The following ITGB6 variants were observed in gnomAD, a reference collection of about 807,000 sequenced individuals.
ITGB6 encodes integrin beta-6.
Under a neutral mutation model 84.5 loss-of-function variants are expected in ITGB6, and 80 were observed. That is an observed-to-expected ratio of 0.95 (90% confidence interval 0.79 to 1.14). The LOEUF (loss-of-function observed/expected upper bound fraction) is 1.14, where lower values mean the gene tolerates loss of function less well. ITGB6 is among the 50% of genes most tolerant of loss of function. ITGB6 has a pLI of 0.00. For missense variants in ITGB6, 1,006 were observed against 968.0 expected, an observed-to-expected ratio of 1.04 and a Z score of -0.52; for synonymous variants, 383 against 354.9, an observed-to-expected ratio of 1.08 and a Z score of -0.89.
At chr2:160,151,558 A>G (rs961666569) in intron 7 of ITGB6, among the ~76,000 whole-genome samples, 1 of 152,202 alleles carries the variant, frequency 6.6e-6, no homozygotes, top group Non-Finnish European at 1.5e-5. Context: ...GAGCAAATAC[A>G]TTCAAAAGCT....
At chr2:160,109,733 C>T (rs571565012) in intron 13 of ITGB6, among the ~76,000 whole-genome samples, 1 of 152,274 alleles carries the variant, frequency 6.6e-6, no homozygotes, top group Non-Finnish European at 1.5e-5. Flanking sequence ...CAATGTGGCC[C>T]ATCGAGTCCA....
intron 7 of ITGB6, among the ~76,000 whole-genome samples, chr2:160,163,591 C>T (rs1356440729): frequency 6.6e-6 from 1 of 151,330 alleles, no homozygotes; most frequent in Non-Finnish European, 1.5e-5. Context: ...GAGATTGTGC[C>T]ACTGCACTTT....
At chr2:160,108,682 C>A (rs1559082982) in intron 13 of ITGB6, among the ~76,000 whole-genome samples, 1 of 152,136 alleles carries the variant, frequency 6.6e-6, no homozygotes. Context: ...GATAAGCCAC[C>A]GATTCTGTGT....
chr2:160,140,345 A>C (rs1683951885), intron 8 of ITGB6, among the ~76,000 whole-genome samples: 1 of 152,214 alleles, frequency 6.6e-6, no homozygotes, highest in South Asian at 2.1e-4. Flanking sequence ...GATTTCAACT[A>C]CCCTGTAAGT....
chr2:160,159,067 C>T (rs1684728702), intron 7 of ITGB6, among the ~76,000 whole-genome samples: 1 of 151,252 alleles, frequency 6.6e-6, no homozygotes, highest in Admixed American at 6.6e-5. Flanking sequence ...CCACTACACT[C>T]CAGCCTGGGC....
In ITGB6 at chr2:160,195,579, G is replaced by C. The variant is rs1327113841; in HGVS notation, c.383C>G (p.Thr128Ser). 2 of 1,613,982 alleles carry C rather than the reference G, an allele frequency of 1.2e-6. No homozygotes were observed. Among genetic ancestry groups the C allele is most frequent in the African/African-American group, 1.3e-5 (1 of 74,918 alleles). The change falls in exon 4 of 15, where the codon ACT (threonine) becomes AGT (serine). Residue 128 changes from threonine (T) to serine (S), a missense_variant. Physicochemically the swap from Thr to Ser is moderately conservative, Grantham distance 58 (BLOSUM62 1). Transcript: ENST00000283249. ...AQTLQVHVRQ[T>S]EDYPVDLYYL... ...ATACAAATCCACCGGGTAGTCCTCA[G>C]TCTGGCGGACATGCACCTGCAGAGT...
Position 160,122,401 on chromosome 2 carries a change from A to G in ITGB6, c.1981+1390T>C, listed in dbSNP as rs72623106. On this transcript the variant is annotated intron_variant, in intron 12 of 14. Transcript: ENST00000283249. ...GTTTACTCCTTTTTTTCCTCAACAC[A>G]TTAGATTTCCCATGTTGCTAGTGAA... 8.6e-4 allele frequency among the ~76,000 whole-genome samples: 131 copies of G among 152,226 alleles called. 2 individuals carry two copies. In the East Asian group the frequency reaches 0.024, roughly 28 times the overall value.
At chr2:160,161,736 AAAGAGT>A (rs1290648806) in intron 7 of ITGB6, among the ~76,000 whole-genome samples, 1 of 152,208 alleles carries the variant, frequency 6.6e-6, no homozygotes, top group Non-Finnish European at 1.5e-5. Flanking sequence ...ATAATCAGAA[AAAGAGT>A]AACTTAAAGT....
chr2:160,171,571 G>C (rs1044076872), intron 6 of ITGB6, among the ~76,000 whole-genome samples: 1 of 152,044 alleles, frequency 6.6e-6, no homozygotes, highest in Admixed American at 6.5e-5. Context: ...TCCTGACCTC[G>C]TGATCCACCG....
At chr2:160,140,961 GA>G (rs1683976235) in intron 8 of ITGB6, among the ~76,000 whole-genome samples, 4 of 152,100 alleles carry the variant, frequency 2.6e-5, no homozygotes, top group Admixed American at 2.6e-4. Context: ...AGACGTCTGT[GA>G]GAGGATAGGC....
chr2:160,127,474 G>A (rs969719398), intron 10 of ITGB6, among the ~76,000 whole-genome samples: 14 of 152,150 alleles, frequency 9.2e-5, no homozygotes, highest in African/African-American at 3.4e-4. Flanking sequence ...TCCCCTTTGA[G>A]TTGTCACACC....
At chr2:160,118,883 A>G (rs1355232730) in intron 12 of ITGB6, among the ~76,000 whole-genome samples, 4 of 152,236 alleles carry the variant, frequency 2.6e-5, no homozygotes, top group Admixed American at 2.0e-4. Flanking sequence ...AGACAAACAG[A>G]GAACCAAATC....
At chr2:160,133,820 A>T (rs972581206) in intron 10 of ITGB6, among the ~76,000 whole-genome samples, 1 of 152,242 alleles carries the variant, frequency 6.6e-6, no homozygotes, top group South Asian at 2.1e-4. Context: ...GTACATAACA[A>T]AATGAAGGCA....
chr2:160,199,852 T>C lies in ITGB6; in HGVS notation c.61+151A>G. The C allele has an allele frequency of 4.7e-6, 3 of 633,392 alleles. 1 individual carries two copies. In the South Asian group the frequency reaches 5.9e-5, roughly 12 times the overall value. The allele number at this position is 633,392 out of a possible 1,614,324, so 39.2% of individuals were successfully genotyped here. ...CATTCACTGTGGGAACTGCCCGGTG[T>C]TTGTCTGTAATTTGTTAAAGTGTTC... is the stretch of plus-strand genomic sequence containing the variant. On this transcript the variant is annotated intron_variant, in intron 1 of 14. Transcript: ENST00000283249.
At position 160,099,926 on chromosome 2, in the gene ITGB6, A is replaced by T. The variant is rs1696649511; in HGVS notation, c.*1810T>A. The T allele has an allele frequency of 6.6e-6, 1 of 152,232 alleles. No individual in the cohort carries two copies. Among genetic ancestry groups the T allele is most frequent in the Non-Finnish European group, 1.5e-5 (1 of 68,030 alleles). 9.4% of individuals were successfully genotyped at this position (152,232 alleles called of 1,614,324 possible). ...TCCCATTCCAATAATAATTAAAAAA[A>T]CAACAGTAAGTCCACGTAGAGGAGA... is the stretch of plus-strand genomic sequence containing the variant. On this transcript the variant is annotated 3_prime_UTR_variant, in exon 15 of 15. Transcript: ENST00000283249.
rs149230828 is a variant in ITGB6, at chr2:160,155,221, T to C, written c.1018-13150A>G. ...GCAATGTGAGAACAGACTAATACAGTAGTATTTTGACCATGTGGCATTCTG... is the reference window on the plus strand; with the variant it reads ...GCAATGTGAGAACAGACTAATACAGCAGTATTTTGACCATGTGGCATTCTG... On this transcript the variant is annotated intron_variant, in intron 7 of 14. Coordinates refer to ENST00000283249, the MANE Select transcript of ITGB6 (RefSeq NM_000888.5). Among the ~76,000 whole-genome samples the C allele has an allele frequency of 1.6e-4, 24 of 152,212 alleles. No homozygotes were observed. The East Asian group carries it at 4.2e-3, about 27-fold the overall frequency.
At chr2:160,161,580 C>T (rs146279930) in intron 7 of ITGB6, among the ~76,000 whole-genome samples, 2 of 152,158 alleles carry the variant, frequency 1.3e-5, no homozygotes, top group Admixed American at 1.3e-4. Context: ...CATGAACCAC[C>T]ATGCCCGGCC....
chr2:160,101,855 C>G, intron 14 of ITGB6, 21 bp from the exon 15 acceptor site: 1 of 1,320,722 alleles, frequency 7.6e-7, no homozygotes, highest in Non-Finnish European at 1.1e-6. Context: ...AAAAAAGATT[C>G]AAGTGAAAGT....
chr2:160,110,858 G>T (rs1444237339), intron 13 of ITGB6, among the ~76,000 whole-genome samples: 2 of 152,204 alleles, frequency 1.3e-5, no homozygotes, highest in African/African-American at 4.8e-5. Context: ...GCCCCTGGAA[G>T]TGCCAGGCCT....
Sources: allele counts gnomAD v4.1 joint callset (sites outside exome capture counted in the v4.1 genomes callset), GRCh38; gene constraint gnomAD v4.1.1; transcripts MANE v1.5; gene names NCBI Gene and HGNC (gene_info 2026-07-23, HGNC 2026-07-21).